ACTR3: variants seen among roughly 807,000 people sequenced by gnomAD.
ACTR3 encodes actin-related protein 3.
Under a neutral mutation model 56.8 loss-of-function variants are expected in ACTR3, and 12 were observed. The observed-to-expected ratio is 0.21, with a 90% CI of 0.14 to 0.34. The LOEUF (loss-of-function observed/expected upper bound fraction) is 0.34, where lower values mean the gene tolerates loss of function less well. ACTR3 is among the 10% of genes least tolerant of loss of function. ACTR3 has a pLI of 1.00. For missense variants in ACTR3, 282 were observed against 512.5 expected, an observed-to-expected ratio of 0.55 and a Z score of 4.34; for synonymous variants, 162 against 167.4, an observed-to-expected ratio of 0.97 and a Z score of 0.25.
Position 113,961,964 on chromosome 2 carries a change from T to C in ACTR3, c.*4509T>C, listed in dbSNP as rs915611006. The C allele has an allele frequency of 6.6e-6, 1 of 152,032 alleles. No homozygotes were observed. The highest frequency in any genetic ancestry group is 2.4e-5 in the African/African-American group (1 of 41,450). The allele number at this position is 152,032 out of a possible 1,614,324, so 9.4% of individuals were successfully genotyped here. A position where few individuals can be genotyped will look rare whatever the true frequency, so the allele number is the denominator to read the frequency against. On this transcript the variant is annotated 3_prime_UTR_variant, in exon 12 of 12. Coordinates refer to ENST00000263238, the MANE Select transcript of ACTR3 (RefSeq NM_005721.5). ...AAAGTAATTCGACAGTAGCATCTGC[T>C]TTATTCATTTCATATTTCCAGTGCC...
intron 5 of ACTR3, 74 bp downstream of exon 5, chr2:113,931,470 CT>C (rs200938275): frequency 0.049 from 32,580 of 666,540 alleles, no homozygotes; most frequent in Middle Eastern, 0.056. Context: ...AAAATACGTA[CT>C]TTTTTTTTTT....
intron 8 of ACTR3, among the ~76,000 whole-genome samples, chr2:113,944,904 T>C (rs190703923): frequency 2.8e-4 from 42 of 152,268 alleles, no homozygotes; most frequent in African/African-American, 9.1e-4. Context: ...CCAAAACTTT[T>C]AGTTGTGCAA....
intron 1 of ACTR3, 123 bp downstream of exon 1, chr2:113,890,446 C>T (rs950199009): frequency 7.7e-7 from 1 of 1,299,762 alleles, no homozygotes; most frequent in Non-Finnish European, 1.0e-6. Context: ...AGTCCTAGAC[C>T]CGCCGGCCAG....
intron 2 of ACTR3, among the ~76,000 whole-genome samples, chr2:113,916,279 C>G (rs565411976): frequency 6.6e-6 from 1 of 152,226 alleles, no homozygotes; most frequent in South Asian, 2.1e-4. Flanking sequence ...CAAGTTTTAG[C>G]TTTCAAACTG....
At chr2:113,923,567 C>T (rs542634211) in intron 3 of ACTR3, among the ~76,000 whole-genome samples, 3 of 152,194 alleles carry the variant, frequency 2.0e-5, no homozygotes, top group African/African-American at 7.2e-5. Context: ...AATCTCCTGA[C>T]CTCGTGATCT....
intron 1 of ACTR3, among the ~76,000 whole-genome samples, chr2:113,896,407 A>C (rs1225082847): frequency 6.6e-6 from 1 of 151,648 alleles, no homozygotes; most frequent in Non-Finnish European, 1.5e-5. Context: ...TGAGAGATTG[A>C]AGGAGGTATA....
At chr2:113,921,982 TGTAGAG>T (rs1679520803) in intron 3 of ACTR3, among the ~76,000 whole-genome samples, 1 of 152,174 alleles carries the variant, frequency 6.6e-6, no homozygotes, top group Admixed American at 6.5e-5. Flanking sequence ...TGGGTAGATA[TGTAGAG>T]GTAAACACTG....
At chr2:113,915,706 C>T (rs554468346) in intron 2 of ACTR3, among the ~76,000 whole-genome samples, 1 of 152,244 alleles carries the variant, frequency 6.6e-6, no homozygotes, top group South Asian at 2.1e-4. Context: ...ATTTTTTGAA[C>T]CATTGGATCT....
In ACTR3 at chr2:113,946,505, G is replaced by A. The variant is rs71416569; in HGVS notation, c.858+4146G>A. On this transcript the variant is annotated intron_variant, in intron 8 of 11. Transcript: ENST00000263238. ...TCTTAAGATTTTTGGCCACATATAT[G>A]TCTTCTTTTGAAAATTGTTCATGTC... Among the ~76,000 whole-genome samples, 975 of 152,118 alleles carry A rather than the reference G, an allele frequency of 6.4e-3. 6 individuals are homozygous for A. The highest frequency in any genetic ancestry group is 9.8e-3 in the Non-Finnish European group (668 of 67,958).
In ACTR3 at chr2:113,958,667, AT is replaced by A. The variant is rs1423815739; in HGVS notation, c.*1215del. ...GTATGTGATATCTGTTTCTGTTGAG[AT>A]TTGGGAGTTATTGAAATCTCTGTAA... On this transcript the variant is annotated 3_prime_UTR_variant, in exon 12 of 12. Coordinates refer to ENST00000263238, the MANE Select transcript of ACTR3 (RefSeq NM_005721.5). 2.0e-5 allele frequency: 3 copies of A among 150,896 alleles called. No homozygotes were observed. Among genetic ancestry groups the A allele is most frequent in the Non-Finnish European group, 4.4e-5 (3 of 67,642 alleles). 9.3% of individuals were successfully genotyped at this position (150,896 alleles called of 1,614,324 possible).
At chr2:113,893,398 A>G (rs145803195) in intron 1 of ACTR3, among the ~76,000 whole-genome samples, 6,891 of 152,030 alleles carry the variant, frequency 0.045, 509 homozygotes, top group African/African-American at 0.16. Flanking sequence ...GGTTCAAGCT[A>G]TTCTCCTGCC....
intron 6 of ACTR3, among the ~76,000 whole-genome samples, chr2:113,937,693 A>G (rs775381845): frequency 6.6e-6 from 1 of 152,320 alleles, no homozygotes; most frequent in East Asian, 1.9e-4. Context: ...GTTTCTGAAA[A>G]TAAGTCAGCT....
In ACTR3 at chr2:113,961,391, AC is replaced by A. The variant is rs1486423838; in HGVS notation, c.*3937del. 6.6e-6 allele frequency: 1 copy of A among 151,948 alleles called. No homozygotes were observed. Among genetic ancestry groups the A allele is most frequent in the African/African-American group, 2.4e-5 (1 of 41,418 alleles). The allele number at this position is 151,948 out of a possible 1,614,324, so 9.4% of individuals were successfully genotyped here. A position where few individuals can be genotyped will look rare whatever the true frequency, so the allele number is the denominator to read the frequency against. ...ATAAAAAAGGAACAACGATAGAAAT[AC>A]GTGATCTAGGAAAGAAGGCAACTGA... On this transcript the variant is annotated 3_prime_UTR_variant, in exon 12 of 12. Transcript: ENST00000263238.
chr2:113,944,954 A>G (rs1244824484), intron 8 of ACTR3, among the ~76,000 whole-genome samples: 1 of 152,138 alleles, frequency 6.6e-6, no homozygotes, highest in Non-Finnish European at 1.5e-5. Flanking sequence ...GTGGGAAAGG[A>G]GGAAAAGGTT....
chr2:113,912,444 A>T (rs1242388656), intron 1 of ACTR3, among the ~76,000 whole-genome samples: 1 of 152,076 alleles, frequency 6.6e-6, no homozygotes, highest in African/African-American at 2.4e-5. Flanking sequence ...TTATGTTGTT[A>T]TTTTGTTAGA....
At chr2:113,936,559 A>C (rs954393698) in intron 6 of ACTR3, among the ~76,000 whole-genome samples, 1 of 152,228 alleles carries the variant, frequency 6.6e-6, no homozygotes, top group Non-Finnish European at 1.5e-5. Flanking sequence ...ATAATTATAC[A>C]ACAGCTTTGA....
intron 1 of ACTR3, among the ~76,000 whole-genome samples, chr2:113,910,515 T>G (rs10195630): frequency 0.3 from 45,270 of 151,860 alleles, 11,089 homozygotes; most frequent in African/African-American, 0.67. Flanking sequence ...AGTTCCAGAG[T>G]CTGGGGCTTG....
At chr2:113,925,202 T>G (rs1679594907) in intron 3 of ACTR3, among the ~76,000 whole-genome samples, 1 of 148,306 alleles carries the variant, frequency 6.7e-6, no homozygotes, top group South Asian at 2.1e-4. Flanking sequence ...ACCTTTTTTT[T>G]TTTTTTTTTT....
intron 8 of ACTR3, among the ~76,000 whole-genome samples, chr2:113,947,775 TATTA>T (rs1385568111): frequency 6.6e-6 from 1 of 152,228 alleles, no homozygotes; most frequent in Admixed American, 6.5e-5. Flanking sequence ...TCATTTTTTC[TATTA>T]ATTTGAATAA....
Sources: allele counts gnomAD v4.1 joint callset (sites outside exome capture counted in the v4.1 genomes callset), GRCh38; gene constraint gnomAD v4.1.1; transcripts MANE v1.5; gene names NCBI Gene and HGNC (gene_info 2026-07-23, HGNC 2026-07-21).